ARPC3: variants seen among roughly 807,000 people sequenced by gnomAD.
ARPC3 encodes the protein actin-related protein 2/3 complex subunit 3.
ARPC3 carries 12 observed loss-of-function variants against 27.6 expected under a neutral mutation model. That is an observed-to-expected ratio of 0.43 (90% CI 0.28 to 0.70). The LOEUF is 0.70. Ranked by LOEUF, ARPC3 falls within the 30% of genes least tolerant of loss-of-function variation. The probability of loss-of-function intolerance (pLI) is 0.17; values close to 1 mark genes in which losing one functional copy is unlikely to be tolerated. For missense variants in ARPC3, 153 were observed against 207.7 expected, an observed-to-expected ratio of 0.74 and a Z score of 1.62; for synonymous variants, 53 against 67.2, an observed-to-expected ratio of 0.79 and a Z score of 1.03.
chr12:110,437,351 C>A (rs779619985), intron 3 of ARPC3, 199 bp from the exon 4 acceptor site: 12 of 557,702 alleles, frequency 2.2e-5, no homozygotes, highest in Non-Finnish European at 3.5e-5. Context: ...AAGGCACAAG[C>A]CCCACTCTGA....
chr12:110,437,219 T>C (rs757850468), intron 3 of ARPC3, 67 bp from the exon 4 acceptor site: 7 of 1,083,298 alleles, frequency 6.5e-6, no homozygotes, highest in Non-Finnish European at 1.0e-5. Context: ...AATGTATGCA[T>C]TCCATCTTTG....
At chr12:110,443,249 C>T (rs1566296779) in intron 2 of ARPC3, among the ~76,000 whole-genome samples, 1 of 150,408 alleles carries the variant, frequency 6.6e-6, no homozygotes, top group Non-Finnish European at 1.5e-5. Context: ...CTCCCGAGTA[C>T]CTGGGACTAC....
chr12:110,449,451 A>G (rs1369003065), intron 1 of ARPC3, among the ~76,000 whole-genome samples: 2 of 151,804 alleles, frequency 1.3e-5, no homozygotes, highest in Non-Finnish European at 2.9e-5. Flanking sequence ...AATCTCAGCT[A>G]CCCGGGAGGC....
chr12:110,449,006 C>T (rs572571743), intron 1 of ARPC3, among the ~76,000 whole-genome samples: 81 of 151,732 alleles, frequency 5.3e-4, no homozygotes, highest in Admixed American at 9.2e-4. Context: ...GAACTCCTGA[C>T]CTCGTGATCC....
At chr12:110,449,854 G>A (rs1389762611) in intron 1 of ARPC3, among the ~76,000 whole-genome samples, 1 of 152,172 alleles carries the variant, frequency 6.6e-6, no homozygotes, top group African/African-American at 2.4e-5. Flanking sequence ...AGCAGAGGGA[G>A]CCTGACCCCG....
At chr12:110,449,955 C>T (rs1168816729) in intron 1 of ARPC3, among the ~76,000 whole-genome samples, 1 of 152,202 alleles carries the variant, frequency 6.6e-6, no homozygotes, top group East Asian at 1.9e-4. Flanking sequence ...CCCTTGGCTT[C>T]GCTCTCTAGT....
intron 4 of ARPC3, 117 bp downstream of exon 4, chr12:110,436,967 G>A (rs752906639): frequency 1.8e-4 from 145 of 821,404 alleles, no homozygotes; most frequent in Non-Finnish European, 2.8e-4. Flanking sequence ...CATGCTGTAA[G>A]TCAGAGGAAA....
chr12:110,436,999 G>C lies in ARPC3; in HGVS notation c.252+85C>G, dbSNP rs911876975. 5.1e-6 allele frequency: 5 copies of C among 987,256 alleles called. No homozygotes were observed. The Admixed American group carries it at 8.8e-5, about 17-fold the overall frequency. The allele number at this position is 987,256 out of a possible 1,614,324, so 61.2% of individuals were successfully genotyped here. A position where few individuals can be genotyped will look rare whatever the true frequency, so the allele number is the denominator to read the frequency against. ...GAAATATTTTCTACTTGTCTTTAAA[G>C]TCTCAACAAATCCCAGATGACTGGG... On this transcript the variant is annotated intron_variant, in intron 4 of 6. Transcript: ENST00000228825.
At chr12:110,436,440 C>A (rs1364091112) in intron 5 of ARPC3, 117 bp downstream of exon 5, 3 of 1,507,004 alleles carry the variant, frequency 2.0e-6, no homozygotes, top group Non-Finnish European at 1.8e-6. Flanking sequence ...TAATGTACTT[C>A]CTATGATTTC....
chr12:110,450,273 C>G lies in ARPC3; in HGVS notation c.-13G>C. 2 of 1,613,990 alleles carry G rather than the reference C, an allele frequency of 1.2e-6. No homozygotes were observed. The highest frequency in any genetic ancestry group is 1.7e-6 in the Non-Finnish European group (2 of 1,179,906). On this transcript the variant is annotated 5_prime_UTR_variant, in exon 1 of 7. Transcript: ENST00000228825. ...CCCTCACCGGCATCTTGGCGGCGCC[C>G]GGGTTTCAACCCAGAGGAGCAGGAT...
intron 2 of ARPC3, among the ~76,000 whole-genome samples, chr12:110,444,454 TTTGTA>T (rs1407042574): frequency 6.6e-6 from 1 of 151,976 alleles, no homozygotes; most frequent in Non-Finnish European, 1.5e-5. Flanking sequence ...CTAGCTAATT[TTTGTA>T]TTTTTAGTAG....
intron 2 of ARPC3, among the ~76,000 whole-genome samples, chr12:110,441,623 T>G (rs2062438117): frequency 6.6e-6 from 1 of 152,076 alleles, no homozygotes. Context: ...CTTGAATTCC[T>G]GAGCGCAAGT....
At chr12:110,439,769 C>T (rs772942050) in intron 3 of ARPC3, among the ~76,000 whole-genome samples, 1 of 152,140 alleles carries the variant, frequency 6.6e-6, no homozygotes. Flanking sequence ...AGGAGGTTGA[C>T]GGTATAGTGA....
At chr12:110,438,300 T>TA (rs1203578896) in intron 3 of ARPC3, among the ~76,000 whole-genome samples, 8,947 of 94,816 alleles carry the variant, frequency 0.094, 412 homozygotes, top group African/African-American at 0.17. Context: ...TGTCTCGAAT[T>TA]AAAAAAAAAA....
chr12:110,450,304 T>A lies in ARPC3; in HGVS notation c.-44A>T. The A allele has an allele frequency of 6.2e-7, 1 of 1,613,612 alleles. No individual in the cohort carries two copies. Among genetic ancestry groups the A allele is most frequent in the South Asian group, 1.1e-5 (1 of 91,032 alleles). ...TCAACCCAGAGGAGCAGGATCCAGG[T>A]ACAGCGGAGCGCTTCCGGTCTGGCA... On this transcript the variant is annotated 5_prime_UTR_variant, in exon 1 of 7. Coordinates refer to ENST00000228825, the MANE Select transcript of ARPC3 (RefSeq NM_001278556.2).
chr12:110,442,975 A>G (rs891088850), intron 2 of ARPC3: 1 of 152,172 alleles, frequency 6.6e-6, no homozygotes, highest in Non-Finnish European at 1.5e-5. Context: ...CTTCTTGTCT[A>G]TGACTGTTAA....
rs1463804717 is a variant in ARPC3 at position 110,434,882 on chromosome 12, C to CAAT, written c.*270_*272dup. On this transcript the variant is annotated 3_prime_UTR_variant, in exon 7 of 7. Transcript: ENST00000228825. ...ATTGTAAGTGAATGTCAAAGACTGGCAATAAAGTTTTTCTGACATGGAATG... is the reference window on the plus strand; with the variant it reads ...ATTGTAAGTGAATGTCAAAGACTGGCAATAATAAAGTTTTTCTGACATGGAATG... 8 of 614,836 alleles carry CAAT rather than the reference C, an allele frequency of 1.3e-5. No homozygotes were observed. The African/African-American group carries it at 1.5e-4, about 11-fold the overall frequency. 38.1% of individuals were successfully genotyped at this position (614,836 alleles called of 1,614,324 possible).
At chr12:110,449,486 A>G (rs2062487390) in intron 1 of ARPC3, among the ~76,000 whole-genome samples, 1 of 152,034 alleles carries the variant, frequency 6.6e-6, no homozygotes, top group Non-Finnish European at 1.5e-5. Context: ...TGCTTGAACC[A>G]GGGTGGTGGA....
chr12:110,440,257 T>C (rs978739732), intron 3 of ARPC3, 55 bp downstream of exon 3: 5 of 1,198,612 alleles, frequency 4.2e-6, no homozygotes, highest in African/African-American at 1.5e-5. Context: ...GATAGCAAGG[T>C]TGGTATTATC....
Sources: allele counts gnomAD v4.1 joint callset (sites outside exome capture counted in the v4.1 genomes callset), GRCh38; gene constraint gnomAD v4.1.1; transcripts MANE v1.5; gene names NCBI Gene and HGNC (gene_info 2026-07-23, HGNC 2026-07-21).